ZFYVE27: variants seen among roughly 807,000 people sequenced by gnomAD.
ZFYVE27 encodes zinc finger FYVE-type containing 27.
Under a neutral mutation model 52.8 loss-of-function variants are expected in ZFYVE27, and 36 were observed. That is an observed-to-expected ratio of 0.68 (90% CI 0.52 to 0.90). The LOEUF (loss-of-function observed/expected upper bound fraction) is 0.90, where lower values mean the gene tolerates loss of function less well. Ranked by LOEUF, ZFYVE27 falls within the 40% of genes least tolerant of loss-of-function variation. ZFYVE27 has a pLI of 0.00. For missense variants in ZFYVE27, 450 were observed against 527.2 expected (o/e 0.85, Z 1.43); for synonymous variants, 223 against 215.6 (o/e 1.03, Z -0.30).
chr10:97,757,610 G>A (rs2048703717), intron 11 of ZFYVE27, 32 bp from the exon 12 acceptor site: 1 of 1,610,514 alleles, frequency 6.2e-7, no homozygotes, highest in Non-Finnish European at 8.5e-7. Flanking sequence ...CTGAGGGTGA[G>A]GGACACATCT....
At position 97,760,640 on chromosome 10, in the gene ZFYVE27, G is replaced by C. The variant is rs886047532; in HGVS notation, c.*1340G>C. ...GAGCAGGGGTCCAGAGAGGCAGGCT[G>C]GGGAGGCAAGGGACCCATCCTAGGC... On this transcript the variant is annotated 3_prime_UTR_variant, in exon 13 of 13. Transcript: ENST00000684270. 6.6e-6 allele frequency: 1 copy of C among 152,344 alleles called. No individual in the cohort carries two copies. The highest frequency in any genetic ancestry group is 1.5e-5 in the Non-Finnish European group (1 of 68,182). The allele number at this position is 152,344 out of a possible 1,614,324, so 9.4% of individuals were successfully genotyped here. A position where few individuals can be genotyped will look rare whatever the true frequency, so the allele number is the denominator to read the frequency against.
At chr10:97,757,200 C>G in intron 10 of ZFYVE27, 65 bp from the exon 11 acceptor site, 3 of 1,611,938 alleles carry the variant, frequency 1.9e-6, no homozygotes, top group Non-Finnish European at 2.5e-6. Flanking sequence ...TTAGAAGCGC[C>G]AGGAGCAGGT....
At chr10:97,753,441 A>G (rs2047528913) in intron 10 of ZFYVE27, among the ~76,000 whole-genome samples, 2 of 152,122 alleles carry the variant, frequency 1.3e-5, no homozygotes, top group African/African-American at 4.8e-5. Context: ...CAAGGAACTC[A>G]GTTTGGGAAA....
In ZFYVE27 at chr10:97,744,784, C is replaced by T. The variant is rs2044721195; in HGVS notation, c.324C>T (p.Tyr108=). The change falls in exon 4 of 13, where the codon TAC becomes TAT. Residue 108 remains tyrosine (Y), a synonymous_variant. Coordinates refer to ENST00000684270, the MANE Select transcript of ZFYVE27 (RefSeq NM_001385875.1). ...LMISVPALLG[Y]LQEVCRARLP... is the part of the protein sequence containing the mutation. ...TTTCAGTGCCCGCCCTGCTGGGCTA[C>T]CTTCAGGAGGTTTGCCGGGCACGGC... 5 of 1,613,950 alleles carry T rather than the reference C, an allele frequency of 3.1e-6. No individual in the cohort carries two copies. In the South Asian group the frequency reaches 3.3e-5, roughly 11 times the overall value.
chr10:97,746,548 C>T (rs2045482181), intron 4 of ZFYVE27, among the ~76,000 whole-genome samples: 1 of 152,304 alleles, frequency 6.6e-6, no homozygotes, highest in East Asian at 1.9e-4. Flanking sequence ...AGAACAAGGA[C>T]ATTCTCTTAA....
intron 4 of ZFYVE27, among the ~76,000 whole-genome samples, chr10:97,745,338 C>T (rs2044951381): frequency 6.6e-6 from 1 of 151,686 alleles, no homozygotes; most frequent in Non-Finnish European, 1.5e-5. Context: ...CACCACCACG[C>T]CCAGCTAATT....
rs1050803261 is a variant in ZFYVE27, at chr10:97,758,785, T to G, written c.1172-451T>G. ...GGGAAATTTCACTGTGATATTTTAC[T>G]TATTCTGTTTTTTTGAGACAGAGTC... On this transcript the variant is annotated intron_variant, in intron 12 of 12. Coordinates refer to ENST00000684270, the MANE Select transcript of ZFYVE27 (RefSeq NM_001385875.1). Among the ~76,000 whole-genome samples, 3 of 151,812 alleles carry G rather than the reference T, an allele frequency of 2.0e-5. No homozygotes were observed. In the Admixed American group the frequency reaches 2.0e-4, roughly 10 times the overall value.
intron 5 of ZFYVE27, 57 bp from the exon 6 acceptor site, chr10:97,749,417 C>A: frequency 7.2e-7 from 1 of 1,379,518 alleles, no homozygotes; most frequent in Non-Finnish European, 1.0e-6. Flanking sequence ...GTGCTCCAAA[C>A]CCGTCTCCTT....
intron 11 of ZFYVE27, 86 bp downstream of exon 11, chr10:97,757,397 GTC>G (rs1188523667): frequency 6.3e-6 from 10 of 1,594,316 alleles, no homozygotes; most frequent in Non-Finnish European, 8.6e-6. Flanking sequence ...CATTGAGAAA[GTC>G]TGGCTCGGGT....
intron 4 of ZFYVE27, among the ~76,000 whole-genome samples, chr10:97,745,777 G>C (rs912757925): frequency 7.2e-5 from 11 of 152,218 alleles, no homozygotes; most frequent in Middle Eastern, 3.4e-3. Flanking sequence ...TGGTACTTCT[G>C]AGGAAGCATT....
At position 97,750,408 on chromosome 10, in the gene ZFYVE27, C is replaced by T. The variant is rs569093343; in HGVS notation, c.742C>T (p.Pro248Ser). Residue 248 changes from proline to serine, a missense_variant, in exon 7 of 13, where the codon CCA becomes TCA. By Grantham distance (74) the Pro-to-Ser change is moderately conservative. Coordinates refer to ENST00000684270, the MANE Select transcript of ZFYVE27 (RefSeq NM_001385875.1). ...AGAGCATGCCTTTGAGAGTCCTCCA[C>T]CACCAGATGTTGGGGGGAAGGATGG... ...QEEHAFESPP[P>S]PDVGGKDGLM... 6.2e-7 allele frequency: 1 copy of T among 1,614,166 alleles called. No individual in the cohort carries two copies. Among genetic ancestry groups the T allele is most frequent in the Admixed American group, 1.7e-5 (1 of 60,028 alleles).
intron 2 of ZFYVE27, among the ~76,000 whole-genome samples, chr10:97,739,883 G>GTGTTTTTTTGCTTTT (rs147444844): frequency 1.9e-5 from 2 of 105,346 alleles, no homozygotes; most frequent in Non-Finnish European, 4.4e-5. Flanking sequence ...AGTTAGAAAA[G>GTGTTTTTTTGCTTTT]TGTTTTTTTT....
At chr10:97,747,097 T>A (rs1461561241) in intron 4 of ZFYVE27, among the ~76,000 whole-genome samples, 1 of 152,216 alleles carries the variant, frequency 6.6e-6, no homozygotes. Flanking sequence ...CTGGAGCAGT[T>A]CCTCAGTCCT....
intron 6 of ZFYVE27, 124 bp from the exon 7 acceptor site, chr10:97,750,204 TAGG>T: frequency 8.2e-7 from 1 of 1,215,958 alleles, no homozygotes; most frequent in South Asian, 1.2e-5. Flanking sequence ...CGCTCAGAGT[TAGG>T]AGGGTGACTC....
chr10:97,752,305 T>C (rs2047192748), intron 8 of ZFYVE27, among the ~76,000 whole-genome samples: 1 of 152,230 alleles, frequency 6.6e-6, no homozygotes, highest in South Asian at 2.1e-4. Flanking sequence ...CCACCAGGCC[T>C]GTGATTTACC....
chr10:97,750,773 CT>C (rs1439219051), intron 7 of ZFYVE27, among the ~76,000 whole-genome samples: 1 of 151,372 alleles, frequency 6.6e-6, no homozygotes, highest in Non-Finnish European at 1.5e-5. Flanking sequence ...TAAGGCCTCC[CT>C]CTGTCACCCA....
chr10:97,740,571 C>T (rs1169290660), intron 2 of ZFYVE27, among the ~76,000 whole-genome samples: 1 of 152,190 alleles, frequency 6.6e-6, no homozygotes, highest in Non-Finnish European at 1.5e-5. Flanking sequence ...TGCGTCTTAG[C>T]ACACTAATGT....
At chr10:97,755,677 C>T (rs1008480989) in intron 10 of ZFYVE27, among the ~76,000 whole-genome samples, 1 of 152,134 alleles carries the variant, frequency 6.6e-6, no homozygotes, top group Non-Finnish European at 1.5e-5. Flanking sequence ...TTCTATTTAC[C>T]CCTGCCAGTG....
chr10:97,745,263 G>A (rs2044914562), intron 4 of ZFYVE27, among the ~76,000 whole-genome samples: 2 of 151,670 alleles, frequency 1.3e-5, no homozygotes, highest in African/African-American at 4.8e-5. Flanking sequence ...TGCAACCTCC[G>A]CCTTCCATTG....
Sources: gnomAD v4.1 joint callset for allele counts (sites outside exome capture counted in the v4.1 genomes callset) on GRCh38, gnomAD v4.1.1 for gene constraint, MANE v1.5 for transcripts, NCBI Gene and HGNC (gene_info 2026-07-23, HGNC 2026-07-21) for gene names.